ATP2B1: variants seen among roughly 807,000 people sequenced by gnomAD.
ATP2B1 encodes the protein plasma membrane calcium-transporting ATPase 1.
A neutral mutation model predicts 124.2 loss-of-function variants in ATP2B1; 14 were observed. The ratio of observed to expected loss-of-function variants is 0.11; its 90% CI spans 0.07 to 0.18. The LOEUF (loss-of-function observed/expected upper bound fraction) is 0.18, where lower values mean the gene tolerates loss of function less well. Among genes scored for constraint, ATP2B1 ranks in the 10% least tolerant of loss-of-function variants. ATP2B1 has a pLI of 1.00. For synonymous variants in ATP2B1, 449 were observed against 492.4 expected, an observed-to-expected ratio of 0.91 and a Z score of 1.17; for missense variants, 763 against 1,466.1, an observed-to-expected ratio of 0.52 and a Z score of 7.83.
intron 15 of ATP2B1, among the ~76,000 whole-genome samples, chr12:89,609,334 G>A (rs1317228883): frequency 1.3e-5 from 2 of 152,150 alleles, no homozygotes; most frequent in African/African-American, 4.8e-5. Context: ...AAATGAGTCT[G>A]CTGCAAAATT....
intron 3 of ATP2B1, among the ~76,000 whole-genome samples, chr12:89,636,218 T>G: frequency 2.7e-5 from 4 of 148,798 alleles, no homozygotes; most frequent in African/African-American, 5.0e-5. Flanking sequence ...GGATGTGGGG[T>G]GGGAGGTGGG....
At chr12:89,618,278 C>T (rs1879353170) in intron 11 of ATP2B1, among the ~76,000 whole-genome samples, 1 of 152,184 alleles carries the variant, frequency 6.6e-6, no homozygotes, top group Admixed American at 6.5e-5. Flanking sequence ...TGTGGGAACA[C>T]TTGCTGTATG....
intron 11 of ATP2B1, 45 bp downstream of exon 11, chr12:89,619,954 G>A: frequency 6.2e-7 from 1 of 1,601,804 alleles, no homozygotes; most frequent in Non-Finnish European, 8.5e-7. Context: ...ACTCCATAAA[G>A]CAACTATAGT....
intron 15 of ATP2B1, among the ~76,000 whole-genome samples, chr12:89,605,534 T>G (rs1250697028): frequency 2.0e-5 from 3 of 152,194 alleles, no homozygotes; most frequent in Non-Finnish European, 4.4e-5. Context: ...GCTGGCACCC[T>G]GGCTCTTGGA....
At chr12:89,667,258 ATCC>A in intron 1 of ATP2B1, among the ~76,000 whole-genome samples, 1 of 152,216 alleles carries the variant, frequency 6.6e-6, no homozygotes, top group East Asian at 1.9e-4. Context: ...ATCAGTCCTC[ATCC>A]TCCTCTTAAT....
intron 1 of ATP2B1, among the ~76,000 whole-genome samples, chr12:89,681,958 A>T (rs1889399834): frequency 6.6e-6 from 1 of 152,166 alleles, no homozygotes; most frequent in African/African-American, 2.4e-5. Flanking sequence ...ATTAGGAAGG[A>T]AAAATGATCT....
intron 15 of ATP2B1, 46 bp downstream of exon 15, chr12:89,609,886 ACAAAC>A (rs1565813860): frequency 4.6e-6 from 7 of 1,537,738 alleles, no homozygotes; most frequent in Non-Finnish European, 3.6e-6. Flanking sequence ...AAACAAACAA[ACAAAC>A]CAGTCAGTAA....
intron 1 of ATP2B1, among the ~76,000 whole-genome samples, chr12:89,673,759 A>T (rs558631348): frequency 1.1e-4 from 17 of 152,314 alleles, no homozygotes; most frequent in Admixed American, 7.2e-4. Flanking sequence ...TATACATATC[A>T]GCTATGATTG....
chr12:89,679,895 G>T (rs925249612), intron 1 of ATP2B1, among the ~76,000 whole-genome samples: 2 of 152,064 alleles, frequency 1.3e-5, no homozygotes, highest in African/African-American at 4.8e-5. Context: ...TAGGGCTTCT[G>T]GGGGAGAAGA....
intron 1 of ATP2B1, among the ~76,000 whole-genome samples, chr12:89,697,908 C>T (rs1405758431): frequency 2.0e-5 from 3 of 152,162 alleles, no homozygotes; most frequent in Non-Finnish European, 4.4e-5. Flanking sequence ...TGGAGTCTCG[C>T]TCTGTTGTCC....
chr12:89,651,918 G>A (rs917532427), intron 2 of ATP2B1, among the ~76,000 whole-genome samples: 1 of 152,142 alleles, frequency 6.6e-6, no homozygotes, highest in Non-Finnish European at 1.5e-5. Flanking sequence ...ATTTTCAAGT[G>A]CTAATAGCCA....
intron 2 of ATP2B1, among the ~76,000 whole-genome samples, chr12:89,648,705 T>C (rs1363484382): frequency 2.6e-5 from 4 of 152,228 alleles, no homozygotes; most frequent in Non-Finnish European, 5.9e-5. Context: ...TGCTAATAGA[T>C]AAGGCAATGA....
intron 15 of ATP2B1, among the ~76,000 whole-genome samples, chr12:89,607,988 G>A (rs1877255487): frequency 6.6e-6 from 1 of 151,708 alleles, no homozygotes. Flanking sequence ...GAAAATAGGA[G>A]ATACATTTAG....
chr12:89,660,295 G>A (rs1378653055), intron 1 of ATP2B1, among the ~76,000 whole-genome samples: 3 of 152,132 alleles, frequency 2.0e-5, no homozygotes, highest in Non-Finnish European at 2.9e-5. Flanking sequence ...TCGGCAATAC[G>A]TTACATGACA....
At chr12:89,610,645 C>T (rs531356779) in intron 13 of ATP2B1, 137 bp from the exon 14 acceptor site, 111 of 707,272 alleles carry the variant, frequency 1.6e-4, no homozygotes, top group Non-Finnish European at 2.4e-4. Context: ...TTGTTAGAAA[C>T]GTGAATTCTT....
intron 9 of ATP2B1, among the ~76,000 whole-genome samples, chr12:89,622,410 C>T (rs1027205635): frequency 5.9e-5 from 9 of 151,960 alleles, no homozygotes; most frequent in Non-Finnish European, 1.2e-4. Context: ...TAGCATCAAA[C>T]TGCATCTCAC....
Position 89,589,207 on chromosome 12 carries a change from A to G in ATP2B1, c.*1777T>C, listed in dbSNP as rs922266725. The G allele has an allele frequency of 6.6e-6, 1 of 152,612 alleles. No individual in the cohort carries two copies. Among genetic ancestry groups the G allele is most frequent in the Middle Eastern group, 3.2e-3 (1 of 316 alleles). 9.5% of individuals were successfully genotyped at this position (152,612 alleles called of 1,614,324 possible). The stretch of plus-strand genomic sequence containing the variant: ...CCACCAAAAATATCAAGCACCATCA[A>G]CTAAATGTTTCTTTGCTTGGTCAGC... On this transcript the variant is annotated 3_prime_UTR_variant, in exon 21 of 21. Coordinates refer to ENST00000428670, the MANE Select transcript of ATP2B1 (RefSeq NM_001366521.1).
chr12:89,677,674 C>T (rs1888774304), intron 1 of ATP2B1, among the ~76,000 whole-genome samples: 1 of 151,970 alleles, frequency 6.6e-6, no homozygotes, highest in Admixed American at 6.6e-5. Flanking sequence ...TTGCTTATTT[C>T]TCCTGATACC....
chr12:89,645,042 T>C (rs1165452996), intron 2 of ATP2B1, among the ~76,000 whole-genome samples: 1 of 152,198 alleles, frequency 6.6e-6, no homozygotes, highest in African/African-American at 2.4e-5. Context: ...GTATAGGAAG[T>C]AGAAGACCTA....
Sources: allele counts gnomAD v4.1 joint callset (sites outside exome capture counted in the v4.1 genomes callset), GRCh38; gene constraint gnomAD v4.1.1; transcripts MANE v1.5; gene names NCBI Gene and HGNC (gene_info 2026-07-23, HGNC 2026-07-21).